Variants in TENM4 observed in about 807,000 individuals in gnomAD.
The protein encoded by TENM4 is teneurin transmembrane protein 4.
TENM4 carries 82 observed loss-of-function variants against 243.3 expected under a neutral mutation model. That is an observed-to-expected ratio of 0.34 (90% CI 0.28 to 0.40). The LOEUF (loss-of-function observed/expected upper bound fraction) is 0.40, where lower values mean the gene tolerates loss of function less well. TENM4 is among the 10% of genes least tolerant of loss of function. TENM4 has a pLI of 1.00. For missense variants in TENM4, 3,138 were observed against 3,673.3 expected, an observed-to-expected ratio of 0.85 and a Z score of 3.77; for synonymous variants, 1,412 against 1,456.3, an observed-to-expected ratio of 0.97 and a Z score of 0.69.
chr11:78,656,736 C>T lies in TENM4; in HGVS notation c.*1322G>A, dbSNP rs796453777. 7 of 302,396 alleles carry T rather than the reference C, an allele frequency of 2.3e-5. No homozygotes were observed. Among genetic ancestry groups the T allele is most frequent in the African/African-American group, 1.5e-4 (7 of 46,642 alleles). 18.7% of individuals were successfully genotyped at this position (302,396 alleles called of 1,614,324 possible). A position where few individuals can be genotyped will look rare whatever the true frequency, so the allele number is the denominator to read the frequency against. On this transcript the variant is annotated 3_prime_UTR_variant, in exon 34 of 34. Transcript: ENST00000278550. ...CACATCAGCTCTTCCCTCCTTTCTT[C>T]CTGTCACTAAAAAACACATTGGGTG...
At chr11:78,736,225 C>T (rs117442497) in intron 20 of TENM4, among the ~76,000 whole-genome samples, 90 of 152,222 alleles carry the variant, frequency 5.9e-4, no homozygotes, top group Admixed American at 1.6e-3. Flanking sequence ...ATCCTTACGC[C>T]GTGGCCTCCC....
At position 78,658,613 on chromosome 11, in the gene TENM4, A is replaced by G; in HGVS notation, c.7755T>C (p.Ser2585=). ...KDGRVTTDII[S]VANEDGRRVA... is the part of the protein sequence containing the mutation. ...CCCTTCGCCCATCCTCATTGGCCACACTGATGATGTCTGTGGTCACTCGGC... is the reference window on the plus strand; with the variant it reads ...CCCTTCGCCCATCCTCATTGGCCACGCTGATGATGTCTGTGGTCACTCGGC... Residue 2585 remains serine (S), a synonymous_variant, in exon 34 of 34, where the codon AGT becomes AGC. Transcript: ENST00000278550. 1.9e-6 allele frequency: 3 copies of G among 1,614,062 alleles called. No individual in the cohort carries two copies. Among genetic ancestry groups the G allele is most frequent in the Non-Finnish European group, 2.5e-6 (3 of 1,179,904 alleles).
intron 28 of TENM4, among the ~76,000 whole-genome samples, chr11:78,693,094 T>A (rs1240339806): frequency 1.3e-5 from 2 of 152,248 alleles, no homozygotes; most frequent in Non-Finnish European, 2.9e-5. Flanking sequence ...CAGTACATGT[T>A]TACTTAATGA....
intron 2 of TENM4, among the ~76,000 whole-genome samples, chr11:79,236,551 G>C (rs493442): frequency 0.44 from 66,284 of 151,954 alleles, 17,111 homozygotes; most frequent in African/African-American, 0.72. Context: ...CTTTGTGCTC[G>C]CTTTGTTGTG....
intron 1 of TENM4, among the ~76,000 whole-genome samples, chr11:79,300,931 A>C (rs1856540086): frequency 6.6e-6 from 1 of 151,926 alleles, no homozygotes; most frequent in African/African-American, 2.4e-5. Context: ...ATGTTTTGAC[A>C]CCCCCCTGCA....
chr11:78,898,446 C>G (rs1013580301), intron 7 of TENM4, among the ~76,000 whole-genome samples: 3 of 152,214 alleles, frequency 2.0e-5, no homozygotes, highest in African/African-American at 4.8e-5. Context: ...TATCAAGAGG[C>G]TCCCATTCTG....
At chr11:78,753,736 CAG>C (rs1166628055) in intron 19 of TENM4, among the ~76,000 whole-genome samples, 2 of 150,168 alleles carry the variant, frequency 1.3e-5, no homozygotes, top group East Asian at 3.9e-4. Context: ...TTTAAAGAGA[CAG>C]TAACATTTTG....
chr11:79,315,732 A>T (rs1856792686), intron 1 of TENM4, among the ~76,000 whole-genome samples: 1 of 152,264 alleles, frequency 6.6e-6, no homozygotes, highest in Non-Finnish European at 1.5e-5. Context: ...GCTCAAAGCC[A>T]GTGTTTTGAA....
intron 12 of TENM4, among the ~76,000 whole-genome samples, chr11:78,846,982 G>C (rs1858410400): frequency 6.6e-6 from 1 of 152,200 alleles, no homozygotes; most frequent in Non-Finnish European, 1.5e-5. Context: ...ACACAGCTCT[G>C]CCAAAGAAAT....
intron 6 of TENM4, among the ~76,000 whole-genome samples, chr11:78,949,083 A>G (rs748076066): frequency 6.6e-6 from 1 of 152,182 alleles, no homozygotes; most frequent in Non-Finnish European, 1.5e-5. Flanking sequence ...TTGTGACACA[A>G]AGCCCAGTCT....
At chr11:79,102,643 C>T (rs756763537) in intron 4 of TENM4, among the ~76,000 whole-genome samples, 1 of 152,200 alleles carries the variant, frequency 6.6e-6, no homozygotes, top group Non-Finnish European at 1.5e-5. Context: ...ATGGTCATTG[C>T]TATCGCTTTT....
chr11:79,120,967 C>T (rs1369564705), intron 4 of TENM4, among the ~76,000 whole-genome samples: 1 of 152,202 alleles, frequency 6.6e-6, no homozygotes, highest in Non-Finnish European at 1.5e-5. Context: ...ATATAACTTG[C>T]CCAAAGTCAC....
chr11:78,950,089 AT>A (rs1271056878), intron 6 of TENM4, among the ~76,000 whole-genome samples: 2 of 152,136 alleles, frequency 1.3e-5, no homozygotes, highest in Admixed American at 6.5e-5. Context: ...CCACTGAGTG[AT>A]TTGATGACCT....
In TENM4 at chr11:79,069,929, T is replaced by A. The variant is rs1860367032; in HGVS notation, c.16A>T (p.Arg6Trp). Residue 6 changes from arginine to tryptophan, a missense_variant, in exon 5 of 34, where the codon AGG (arginine) becomes TGG (tryptophan). Around this residue, in one of 2 missense-constraint regions of TENM4, gnomAD observed 671 missense variants for 614.1 expected, o/e 1.09. Coordinates refer to ENST00000278550, the MANE Select transcript of TENM4 (RefSeq NM_001098816.3). MDVKE[R>W]KPYRSLTRRR... Reference sequence around the variant, plus strand: ...CGGGTCAGCGAGCGGTAAGGCTTCCTCTCCTTCACGTCCATGGCCTCCGGC... The same window carrying A: ...CGGGTCAGCGAGCGGTAAGGCTTCCACTCCTTCACGTCCATGGCCTCCGGC... 6.5e-7 allele frequency: 1 copy of A among 1,546,452 alleles called. No homozygotes were observed. The highest frequency in any genetic ancestry group is 2.4e-5 in the East Asian group (1 of 40,886).
At chr11:79,167,213 C>T (rs564797282) in intron 3 of TENM4, among the ~76,000 whole-genome samples, 3 of 152,286 alleles carry the variant, frequency 2.0e-5, no homozygotes, top group African/African-American at 7.2e-5. Flanking sequence ...AGGTGGCTGC[C>T]ACACCTCCAA....
At position 78,656,758 on chromosome 11, in the gene TENM4, G is replaced by C. The variant is rs568490424; in HGVS notation, c.*1300C>G. 2 of 346,784 alleles carry C rather than the reference G, an allele frequency of 5.8e-6. No individual in the cohort carries two copies. The highest frequency in any genetic ancestry group is 3.0e-4 in the South Asian group (2 of 6,564). The allele number at this position is 346,784 out of a possible 1,614,324, so 21.5% of individuals were successfully genotyped here. Reference sequence around the variant, plus strand: ...CTTCCTGTCACTAAAAAACACATTGGGTGGGCTTCTCTAGAGGGGAAGCTG... The same window carrying C: ...CTTCCTGTCACTAAAAAACACATTGCGTGGGCTTCTCTAGAGGGGAAGCTG... On this transcript the variant is annotated 3_prime_UTR_variant, in exon 34 of 34. Transcript: ENST00000278550.
At chr11:78,745,123 C>T (rs1036178283) in intron 19 of TENM4, among the ~76,000 whole-genome samples, 4 of 152,104 alleles carry the variant, frequency 2.6e-5, no homozygotes, top group African/African-American at 7.2e-5. Flanking sequence ...CAGACAGACA[C>T]GCATACAAAC....
At chr11:78,659,067 G>A (rs909539843) in intron 33 of TENM4, among the ~76,000 whole-genome samples, 8 of 152,122 alleles carry the variant, frequency 5.3e-5, no homozygotes, top group African/African-American at 1.2e-4. Flanking sequence ...GTGCCAGGTC[G>A]TTTTGTGAGC....
chr11:78,893,780 T>TACACACACACACACAC (rs368536086), intron 7 of TENM4, among the ~76,000 whole-genome samples: 2,915 of 142,728 alleles, frequency 0.02, 124 homozygotes, highest in African/African-American at 0.07. Flanking sequence ...GGACTTCACA[T>TACACACACACACACAC]ACACACACAC....
Sources: gnomAD v4.1 joint callset for allele counts (sites outside exome capture counted in the v4.1 genomes callset) on GRCh38, gnomAD v4.1.1 for gene constraint, gnomAD v4.1.1 regional missense constraint, MANE v1.5 for transcripts, NCBI Gene and HGNC (gene_info 2026-07-23, HGNC 2026-07-21) for gene names.